DYNC2H1: variants seen among roughly 807,000 people sequenced by gnomAD.
DYNC2H1 encodes dynein cytoplasmic 2 heavy chain 1, also known as cytoplasmic dynein 2 heavy chain 1.
A neutral mutation model predicts 570.0 loss-of-function variants in DYNC2H1; 410 were observed. The observed-to-expected ratio is 0.72, with a 90% CI of 0.66 to 0.78. The LOEUF is 0.78. DYNC2H1 is among the 30% of genes least tolerant of loss of function. DYNC2H1 has a pLI of 0.00. For synonymous variants in DYNC2H1, 1,688 were observed against 1,677.6 expected, an observed-to-expected ratio of 1.01 and a Z score of -0.15; for missense variants, 4,865 against 5,046.4, an observed-to-expected ratio of 0.96 and a Z score of 1.09.
Position 103,203,187 on chromosome 11 carries a change from A to G in DYNC2H1, c.8198-476A>G, listed in dbSNP as rs959020030. ...GATGTGATAAGTGCTAAAAAGTGAT[A>G]TATTTGAATAGTATGTGAAAGAGAA... On this transcript the variant is annotated intron_variant, in intron 50 of 88. Transcript: ENST00000375735. This position sits in a 1 kb window ranked among gnomAD's most constrained non-coding sequence, Gnocchi z 4.7. Among the ~76,000 whole-genome samples the G allele has an allele frequency of 6.6e-6, 1 of 152,208 alleles. No individual in the cohort carries two copies. The highest frequency in any genetic ancestry group is 2.4e-5 in the African/African-American group (1 of 41,458).
chr11:103,161,547 G>A (rs575360947), intron 29 of DYNC2H1, among the ~76,000 whole-genome samples: 45 of 152,228 alleles, frequency 3.0e-4, no homozygotes, highest in Admixed American at 1.7e-3. Context: ...ACCTCAAAAA[G>A]TTTTAGATTT....
rs767645028 is a variant in DYNC2H1 at position 103,158,658 on chromosome 11, A to G, written c.4128-19A>G. 4.6e-6 allele frequency: 7 copies of G among 1,511,714 alleles called. No individual in the cohort carries two copies. The highest frequency in any genetic ancestry group is 6.2e-6 in the Non-Finnish European group (7 of 1,124,734). 93.6% of individuals were successfully genotyped at this position (1,511,714 alleles called of 1,614,324 possible). A position where few individuals can be genotyped will look rare whatever the true frequency, so the allele number is the denominator to read the frequency against. ...AAATTGTTAAAGTAGATGTGAAGAT[A>G]CTTTTTTTTCTTTTGTAGATCAATA... On this transcript the variant is annotated intron_variant, in intron 26 of 88. Transcript: ENST00000375735.
intron 86 of DYNC2H1, among the ~76,000 whole-genome samples, 182 bp from the exon 87 acceptor site, chr11:103,456,093 C>T (rs1944776917): frequency 6.6e-6 from 1 of 152,082 alleles, no homozygotes; most frequent in Admixed American, 6.5e-5. Flanking sequence ...AAAGAGGAGA[C>T]TGACAGTTAG....
intron 83 of DYNC2H1, among the ~76,000 whole-genome samples, chr11:103,381,132 C>T (rs976969066): frequency 1.3e-5 from 2 of 152,222 alleles, no homozygotes; most frequent in East Asian, 3.9e-4. Context: ...AAGATTGAGA[C>T]CTGAAAACCA....
In DYNC2H1 at chr11:103,198,068, A is replaced by G. The variant is rs187969698; in HGVS notation, c.7839+5A>G. On this transcript the variant is annotated splice_donor_5th_base_variant and intron_variant, in intron 48 of 88. Transcript: ENST00000375735. Reference sequence around the variant, plus strand: ...CTCAAGGATGTTATTAAAAAGGTATAATATGAATCATTAATTGGAACTGGG... The same window carrying G: ...CTCAAGGATGTTATTAAAAAGGTATGATATGAATCATTAATTGGAACTGGG... 1 of 1,550,658 alleles carries G rather than the reference A, an allele frequency of 6.4e-7. No individual in the cohort carries two copies. Among genetic ancestry groups the G allele is most frequent in the African/African-American group, 1.4e-5 (1 of 73,138 alleles).
At position 103,316,590 on chromosome 11, in the gene DYNC2H1, G is replaced by A. The variant is rs1937858278; in HGVS notation, c.11695G>A (p.Gly3899Arg). Residue 3899 changes from glycine to arginine, a missense_variant, in exon 80 of 89, where the codon GGG (glycine) becomes AGG (arginine). Around this residue, in one of 5 missense-constraint regions of DYNC2H1, gnomAD observed 2,401 missense variants for 2,454.6 expected, o/e 0.98. Transcript: ENST00000375735. ...ATTTTCTTTATCAGATCTTCGGGCT[G>A]GGTACAACATTATTGACAGACTTTT... ...YEFSLSDLRA[G>R]YNIIDRLFDG... 6 of 1,557,592 alleles carry A rather than the reference G, an allele frequency of 3.9e-6. No homozygotes were observed. The highest frequency in any genetic ancestry group is 1.4e-5 in the African/African-American group (1 of 72,886).
intron 88 of DYNC2H1, among the ~76,000 whole-genome samples, chr11:103,476,403 T>C (rs1222306076): frequency 6.6e-6 from 1 of 152,206 alleles, no homozygotes; most frequent in African/African-American, 2.4e-5. Context: ...GTGTATTTTG[T>C]TTCCTAAAGT....
At chr11:103,328,117 A>G (rs895406092) in intron 82 of DYNC2H1, among the ~76,000 whole-genome samples, 1 of 152,182 alleles carries the variant, frequency 6.6e-6, no homozygotes, top group African/African-American at 2.4e-5. Flanking sequence ...TCTAATTTCT[A>G]CTAGTTTGTC....
At chr11:103,191,415 G>A (rs1938291278) in intron 45 of DYNC2H1, 102 bp from the exon 46 acceptor site, 1 of 735,484 alleles carries the variant, frequency 1.4e-6, no homozygotes, top group Non-Finnish European at 2.2e-6. Context: ...CCATCTACAG[G>A]TAGAAATTGG....
At chr11:103,448,524 TTC>T (rs1944499331) in intron 85 of DYNC2H1, among the ~76,000 whole-genome samples, 1 of 152,150 alleles carries the variant, frequency 6.6e-6, no homozygotes, top group Admixed American at 6.6e-5. Flanking sequence ...GTCAAACTAT[TTC>T]TGTGCCTTAG....
intron 80 of DYNC2H1, among the ~76,000 whole-genome samples, chr11:103,320,621 T>A (rs1938133823): frequency 6.6e-6 from 1 of 152,198 alleles, no homozygotes; most frequent in Non-Finnish European, 1.5e-5. Flanking sequence ...ATAGGTTCTC[T>A]TAAGGAATTT....
chr11:103,137,717 T>C (rs1253418053), intron 17 of DYNC2H1, among the ~76,000 whole-genome samples: 1 of 152,150 alleles, frequency 6.6e-6, no homozygotes, highest in African/African-American at 2.4e-5. Flanking sequence ...TGGGCTCTTT[T>C]TTGGTTCCAT....
chr11:103,352,470 C>T (rs1940100019), intron 82 of DYNC2H1, among the ~76,000 whole-genome samples: 1 of 152,134 alleles, frequency 6.6e-6, no homozygotes, highest in African/African-American at 2.4e-5. Context: ...ATTAAAATTA[C>T]TTACTTGACC....
intron 13 of DYNC2H1, among the ~76,000 whole-genome samples, chr11:103,130,697 A>T (rs1212713519): frequency 6.6e-6 from 1 of 152,114 alleles, no homozygotes; most frequent in South Asian, 2.1e-4. Context: ...ATTATTTTTG[A>T]CCTTTTCCCT....
At chr11:103,136,372 C>G (rs1038076086) in intron 17 of DYNC2H1, among the ~76,000 whole-genome samples, 10 of 150,116 alleles carry the variant, frequency 6.7e-5, no homozygotes, top group Non-Finnish European at 1.0e-4. Flanking sequence ...CTATCCCTCC[C>G]CCCTCCCGCC....
chr11:103,145,848 T>C lies in DYNC2H1; in HGVS notation c.2703-1924T>C, dbSNP rs1193454325. On this transcript the variant is annotated intron_variant, in intron 18 of 88. Transcript: ENST00000375735. This position sits in a 1 kb window ranked among gnomAD's most constrained non-coding sequence, Gnocchi z 4.2. ...GGCTGAACAGAATCTCAGTTTCATA[T>C]TGTGAATATTTTCAAATGAAAGATG... 6.6e-6 allele frequency among the ~76,000 whole-genome samples: 1 copy of C among 152,230 alleles called. No homozygotes were observed. Among genetic ancestry groups the C allele is most frequent in the African/African-American group, 2.4e-5 (1 of 41,460 alleles).
Position 103,158,782 on chromosome 11 carries a change from T to C in DYNC2H1, c.4233T>C (p.Cys1411=), listed in dbSNP as rs749077356. The C allele has an allele frequency of 4.0e-6, 6 of 1,488,616 alleles. No homozygotes were observed. Among genetic ancestry groups the C allele is most frequent in the Admixed American group, 4.5e-5 (2 of 44,642 alleles). 92.2% of individuals were successfully genotyped at this position (1,488,616 alleles called of 1,614,324 possible). A position where few individuals can be genotyped will look rare whatever the true frequency, so the allele number is the denominator to read the frequency against. The stretch of plus-strand genomic sequence containing the variant: ...CAATACTTGATCAGCTTCAAAGATG[T>C]CAGAAATCATTAAATGAATTTTTGG... ...LLTILDQLQR[C]QKSLNEFLEE... is the part of the protein sequence containing the mutation. Residue 1411 remains cysteine (C), a synonymous_variant, in exon 27 of 89, where the codon TGT becomes TGC. Coordinates refer to ENST00000375735, the MANE Select transcript of DYNC2H1 (RefSeq NM_001377.3).
At position 103,275,130 on chromosome 11, in the gene DYNC2H1, C is replaced by A. The variant is rs1177367578; in HGVS notation, c.10696-5218C>A. 6.6e-6 allele frequency among the ~76,000 whole-genome samples: 1 copy of A among 152,012 alleles called. No homozygotes were observed. On this transcript the variant is annotated intron_variant, in intron 70 of 88. Coordinates refer to ENST00000375735, the MANE Select transcript of DYNC2H1 (RefSeq NM_001377.3). The surrounding 1 kb of genome is among the most constrained non-coding windows in gnomAD (Gnocchi z 4.8). ...AATAAATAAATAAAATAAAATTTAT[C>A]TATGTAATATTCATTGGCTATGTTA...
rs778716694 is a variant in DYNC2H1 at position 103,135,735 on chromosome 11, A to G, written c.2361A>G (p.Gln787=). Residue 787 remains glutamine, a synonymous_variant, in exon 17 of 89, where the codon CAA becomes CAG. Transcript: ENST00000375735. ...IDLTYKQGRL[Q]FRPPFEEIRA... The stretch of plus-strand genomic sequence containing the variant: ...TTACTTTTAGACAGGGACGATTACA[A>G]TTCAGGCCCCCTTTTGAAGAAATCC... 1.2e-6 allele frequency: 2 copies of G among 1,610,484 alleles called. No individual in the cohort carries two copies. The highest frequency in any genetic ancestry group is 8.5e-7 in the Non-Finnish European group (1 of 1,178,034).
Sources: allele counts gnomAD v4.1 joint callset (sites outside exome capture counted in the v4.1 genomes callset), GRCh38; gene constraint gnomAD v4.1.1; regional missense constraint gnomAD v4.1.1; non-coding constraint Gnocchi (gnomAD v3.1); transcripts MANE v1.5; gene names NCBI Gene and HGNC (gene_info 2026-07-23, HGNC 2026-07-21).